NRXN1: variants seen among roughly 807,000 people sequenced by gnomAD.
NRXN1 encodes neurexin-1.
Under a neutral mutation model 150.9 loss-of-function variants are expected in NRXN1, and 39 were observed. That is an observed-to-expected ratio of 0.26 (90% CI 0.20 to 0.34). The LOEUF is 0.34. Among genes scored for constraint, NRXN1 ranks in the 10% least tolerant of loss-of-function variants. NRXN1 has a pLI of 1.00. For synonymous variants in NRXN1, 924 were observed against 757.0 expected (o/e 1.22, Z -3.62); for missense variants, 1,815 against 1,949.9 (o/e 0.93, Z 1.30).
At chr2:51,030,707 C>T (rs1221242358) in intron 1 of NRXN1, among the ~76,000 whole-genome samples, 2 of 152,088 alleles carry the variant, frequency 1.3e-5, no homozygotes, top group African/African-American at 4.8e-5. Flanking sequence ...ATATCAAACC[C>T]GAGGAAAGAG....
chr2:50,301,294 C>T (rs2074127078), intron 17 of NRXN1, among the ~76,000 whole-genome samples: 1 of 152,190 alleles, frequency 6.6e-6, no homozygotes, highest in African/African-American at 2.4e-5. Context: ...TTACATAAGA[C>T]TATAATTTAA....
At chr2:50,852,671 C>T (rs1674692189) in intron 5 of NRXN1, among the ~76,000 whole-genome samples, 1 of 152,124 alleles carries the variant, frequency 6.6e-6, no homozygotes, top group Non-Finnish European at 1.5e-5. Context: ...TTCATATATA[C>T]ACACTACCTG....
rs1401306637 is a variant in NRXN1 at position 50,171,265 on chromosome 2, AAG to A, written c.3546+65522_3546+65523del. ...TGTGTGTGTGTGTGTTTGTGTGTGT[AAG>A]AGAGAGCATTTTATATATATATATA... On this transcript the variant is annotated intron_variant, in intron 18 of 22. Transcript: ENST00000401669. 6.6e-5 allele frequency among the ~76,000 whole-genome samples: 10 copies of A among 151,570 alleles called. 1 individual carries two copies. The East Asian group carries it at 1.9e-3, about 30-fold the overall frequency.
intron 2 of NRXN1, chr2:51,026,334 T>C (rs922567176): frequency 7.5e-7 from 1 of 1,329,946 alleles, no homozygotes; most frequent in Non-Finnish European, 1.1e-6. Flanking sequence ...ATCTCCTACT[T>C]AGCCACTGAT....
intron 18 of NRXN1, among the ~76,000 whole-genome samples, chr2:50,106,725 T>C (rs1701694273): frequency 6.6e-6 from 1 of 151,942 alleles, no homozygotes; most frequent in African/African-American, 2.4e-5. Flanking sequence ...AACTTTGTGA[T>C]CACAAGTTAT....
intron 19 of NRXN1, among the ~76,000 whole-genome samples, chr2:50,086,233 TAG>T (rs1698757948): frequency 6.6e-6 from 1 of 152,168 alleles, no homozygotes; most frequent in African/African-American, 2.4e-5. Flanking sequence ...CTCTAAATAA[TAG>T]AGTGACTTAA....
At chr2:50,168,762 C>T (rs577519881) in intron 18 of NRXN1, among the ~76,000 whole-genome samples, 287 of 152,256 alleles carry the variant, frequency 1.9e-3, no homozygotes, top group African/African-American at 6.6e-3. Flanking sequence ...AATGCAACCC[C>T]AGAAGAAAAA....
Position 50,076,035 on chromosome 2 carries a change from G to A in NRXN1, c.3718+15288C>T, listed in dbSNP as rs1291574914. Reference sequence around the variant, plus strand: ...CACCCAGCCCACATTTTACTCTTCTGTGATATCAGCCTTGATTACTGAACA... The same window carrying A: ...CACCCAGCCCACATTTTACTCTTCTATGATATCAGCCTTGATTACTGAACA... On this transcript the variant is annotated intron_variant, in intron 19 of 22. Coordinates refer to ENST00000401669, the MANE Select transcript of NRXN1 (RefSeq NM_001330078.2). Among the ~76,000 whole-genome samples the A allele has an allele frequency of 2.6e-5, 4 of 152,092 alleles. No homozygotes were observed. The South Asian group carries it at 6.2e-4, about 24-fold the overall frequency.
intron 8 of NRXN1, among the ~76,000 whole-genome samples, chr2:50,563,064 A>T (rs573988390): frequency 6.6e-6 from 1 of 152,332 alleles, no homozygotes; most frequent in South Asian, 2.1e-4. Flanking sequence ...CAATAAAAAA[A>T]AGCAATCACT....
chr2:50,236,991 C>T, intron 17 of NRXN1, 21 bp from the exon 18 acceptor site: 1 of 1,611,490 alleles, frequency 6.2e-7, no homozygotes, highest in Non-Finnish European at 8.5e-7. Context: ...AAAACCAAAA[C>T]CAATTAGTCC....
intron 7 of NRXN1, 50 bp from the exon 8 acceptor site, chr2:50,620,233 C>A: frequency 6.4e-7 from 1 of 1,559,368 alleles, no homozygotes; most frequent in Non-Finnish European, 8.8e-7. Flanking sequence ...GACCTAGATA[C>A]TGTAATCCTG....
chr2:50,928,171 G>A (rs940606344), intron 2 of NRXN1, among the ~76,000 whole-genome samples: 3 of 151,426 alleles, frequency 2.0e-5, no homozygotes, highest in Non-Finnish European at 2.9e-5. Flanking sequence ...ATTCTGACTC[G>A]ACTAAATCCA....
chr2:50,912,384 TG>T (rs1684645855), intron 5 of NRXN1: 1 of 151,942 alleles, frequency 6.6e-6, no homozygotes, highest in Non-Finnish European at 1.5e-5. Flanking sequence ...ACATATTGCA[TG>T]TGATTTAAGA....
chr2:50,227,930 AC>A, intron 18 of NRXN1, among the ~76,000 whole-genome samples: 1 of 152,104 alleles, frequency 6.6e-6, no homozygotes, highest in Non-Finnish European at 1.5e-5. Context: ...AGATACTCAA[AC>A]TTTTAAGTAT....
chr2:50,520,115 A>G (rs1558872244), intron 12 of NRXN1, among the ~76,000 whole-genome samples: 2 of 151,956 alleles, frequency 1.3e-5, no homozygotes, highest in Non-Finnish European at 2.9e-5. Flanking sequence ...TATGTGCTAT[A>G]AGGGCATTTA....
intron 2 of NRXN1, among the ~76,000 whole-genome samples, chr2:51,020,418 G>C (rs1669423982): frequency 6.6e-6 from 1 of 151,864 alleles, no homozygotes; most frequent in Non-Finnish European, 1.5e-5. Context: ...AATAATAAGA[G>C]AACTCTACCA....
chr2:50,720,688 C>T (rs911235879), intron 5 of NRXN1, among the ~76,000 whole-genome samples: 3 of 152,176 alleles, frequency 2.0e-5, no homozygotes, highest in Non-Finnish European at 4.4e-5. Flanking sequence ...TCCTGCATGT[C>T]CAAAGACACT....
chr2:50,396,516 A>G (rs2082060111), intron 17 of NRXN1, among the ~76,000 whole-genome samples: 1 of 152,154 alleles, frequency 6.6e-6, no homozygotes, highest in Non-Finnish European at 1.5e-5. Flanking sequence ...ATTTTTTGTT[A>G]TCAAGAGTTT....
intron 18 of NRXN1, among the ~76,000 whole-genome samples, chr2:50,144,799 A>G (rs1053030441): frequency 6.6e-6 from 1 of 151,766 alleles, no homozygotes; most frequent in African/African-American, 2.4e-5. Flanking sequence ...CGAGTTGATT[A>G]CCTATTTTTG....
Sources: gnomAD v4.1 joint callset for allele counts (sites outside exome capture counted in the v4.1 genomes callset) on GRCh38, gnomAD v4.1.1 for gene constraint, MANE v1.5 for transcripts, NCBI Gene and HGNC (gene_info 2026-07-23, HGNC 2026-07-21) for gene names.